Variants in SAMSN1 observed in about 807,000 individuals in gnomAD.
The protein encoded by SAMSN1 is SAM domain, SH3 domain and nuclear localization signals 1.
SAMSN1 carries 31 observed loss-of-function variants against 42.0 expected under a neutral mutation model. The ratio of observed to expected loss-of-function variants is 0.74; its 90% CI spans 0.55 to 1.00. The LOEUF (loss-of-function observed/expected upper bound fraction) is 1.00. SAMSN1 is among the 50% of genes least tolerant of loss of function. The pLI is 0.00. For synonymous variants in SAMSN1, 178 were observed against 151.9 expected, an observed-to-expected ratio of 1.17 and a Z score of -1.26; for missense variants, 464 against 439.4, an observed-to-expected ratio of 1.06 and a Z score of -0.50.
intron 2 of SAMSN1, chr21:14,616,083 A>G: frequency 2.2e-6 from 1 of 458,828 alleles, no homozygotes; most frequent in Non-Finnish European, 4.0e-6. Flanking sequence ...CTATATCAAG[A>G]GATCTGAAAG....
chr21:14,554,345 G>T lies in SAMSN1; in HGVS notation c.261+27791C>A, dbSNP rs1185245429. Among the ~76,000 whole-genome samples the T allele has an allele frequency of 2.0e-5, 3 of 152,016 alleles. No individual in the cohort carries two copies. The East Asian group carries it at 5.8e-4, about 29-fold the overall frequency. ...AGTAATGCTTGAAAGATATTGCTAT[G>T]AGAATGAAAAGAGACACTATTATGG... On this transcript the variant is annotated intron_variant, in intron 2 of 8. Coordinates refer to the SAMSN1 transcript ENST00000285670.
intron 2 of SAMSN1, among the ~76,000 whole-genome samples, chr21:14,622,885 C>T (rs1053548430): frequency 2.0e-5 from 3 of 152,106 alleles, no homozygotes; most frequent in African/African-American, 7.2e-5. Flanking sequence ...GTCAGGTTAC[C>T]CACAAAGGGA....
intron 4 of SAMSN1, chr21:14,612,693 T>A: frequency 1.5e-6 from 1 of 654,528 alleles, no homozygotes; most frequent in Non-Finnish European, 2.9e-6. Context: ...AATGATTTCT[T>A]TGTCATAGCC....
chr21:14,597,792 T>C (rs1982314866), intron 6 of SAMSN1: 2 of 152,204 alleles, frequency 1.3e-5, no homozygotes, highest in Admixed American at 1.3e-4. Flanking sequence ...CCATCCTTCA[T>C]GTGTGCCTTT....
At chr21:14,598,330 C>T (rs2123291974) in intron 6 of SAMSN1, 1 of 152,298 alleles carries the variant, frequency 6.6e-6, no homozygotes, top group Admixed American at 6.5e-5. Context: ...TGTATTACTG[C>T]ATATTTTATT....
chr21:14,612,268 G>A (rs1208476487), intron 4 of SAMSN1, among the ~76,000 whole-genome samples: 4 of 152,050 alleles, frequency 2.6e-5, no homozygotes, highest in Non-Finnish European at 5.9e-5. Context: ...TTGACTGGAT[G>A]ATCCAGATGT....
At chr21:14,653,491 G>A (rs1459804718) in intron 1 of SAMSN1, among the ~76,000 whole-genome samples, 3 of 151,996 alleles carry the variant, frequency 2.0e-5, no homozygotes, top group Non-Finnish European at 4.4e-5. Flanking sequence ...ATGGTTACCA[G>A]AGGCTAGGAA....
At chr21:14,509,761 A>G (rs1427659429) in intron 5 of SAMSN1, among the ~76,000 whole-genome samples, 2 of 152,110 alleles carry the variant, frequency 1.3e-5, no homozygotes, top group Non-Finnish European at 1.5e-5. Flanking sequence ...TAGACTCTGA[A>G]CCTGAATCAT....
At position 14,540,087 on chromosome 21, in the gene SAMSN1, A is replaced by T. The variant is rs536031053; in HGVS notation, c.57+6118T>A. 5.3e-5 allele frequency among the ~76,000 whole-genome samples: 8 copies of T among 152,372 alleles called. No homozygotes were observed. The South Asian group carries it at 1.7e-3, about 32-fold the overall frequency. On this transcript the variant is annotated intron_variant, in intron 1 of 7. Transcript: ENST00000400566. ...ATGGTGCTGGGAAAACTGGTTAGCCATATGTAGAAAGCTGAAACTGGATCC... is the reference window on the plus strand; with the variant it reads ...ATGGTGCTGGGAAAACTGGTTAGCCTTATGTAGAAAGCTGAAACTGGATCC...
At chr21:14,556,530 T>C (rs968946312) in intron 2 of SAMSN1, among the ~76,000 whole-genome samples, 1 of 152,186 alleles carries the variant, frequency 6.6e-6, no homozygotes, top group African/African-American at 2.4e-5. Context: ...TATTAGGCTG[T>C]TCCAATTAAA....
At chr21:14,624,106 C>A (rs1022389890) in intron 2 of SAMSN1, among the ~76,000 whole-genome samples, 1 of 152,140 alleles carries the variant, frequency 6.6e-6, no homozygotes, top group Non-Finnish European at 1.5e-5. Flanking sequence ...ATACCAGAAT[C>A]TCTGGGACAC....
At chr21:14,600,555 C>A (rs555693610) in intron 6 of SAMSN1, among the ~76,000 whole-genome samples, 1 of 152,226 alleles carries the variant, frequency 6.6e-6, no homozygotes, top group African/African-American at 2.4e-5. Flanking sequence ...CAATTTTAAC[C>A]TTCAGAAGCA....
chr21:14,631,199 A>G (rs1983318608), intron 2 of SAMSN1, among the ~76,000 whole-genome samples: 1 of 152,234 alleles, frequency 6.6e-6, no homozygotes, highest in South Asian at 2.1e-4. Context: ...TTGTACCATT[A>G]AACTACGAAC....
chr21:14,650,417 A>T (rs190516960), intron 1 of SAMSN1, among the ~76,000 whole-genome samples: 1 of 152,184 alleles, frequency 6.6e-6, no homozygotes, highest in Admixed American at 6.5e-5. Flanking sequence ...AAATTAAACA[A>T]TATGCTCCTG....
chr21:14,511,767 G>A (rs575317293), intron 4 of SAMSN1, among the ~76,000 whole-genome samples: 10 of 152,316 alleles, frequency 6.6e-5, no homozygotes, highest in African/African-American at 2.4e-4. Context: ...ACTAAATCCT[G>A]AGTGATTTCC....
chr21:14,493,906 T>C (rs1986801573), intron 7 of SAMSN1, among the ~76,000 whole-genome samples: 1 of 152,128 alleles, frequency 6.6e-6, no homozygotes, highest in South Asian at 2.1e-4. Context: ...AGGGTGGTTA[T>C]CCTCCTCCAG....
chr21:14,566,555 T>G (rs76478831), intron 2 of SAMSN1, among the ~76,000 whole-genome samples: 1 of 152,094 alleles, frequency 6.6e-6, no homozygotes, highest in East Asian at 1.9e-4. Context: ...ATTTTTTTTT[T>G]GAGACAGGGT....
chr21:14,588,794 C>G lies in SAMSN1; in HGVS notation c.466-5018G>C, dbSNP rs1981998843. 2.0e-5 allele frequency among the ~76,000 whole-genome samples: 3 copies of G among 152,204 alleles called. No homozygotes were observed. In the East Asian group the frequency reaches 5.8e-4, roughly 29 times the overall value. On this transcript the variant is annotated intron_variant, in intron 7 of 15. Coordinates refer to the SAMSN1 transcript ENST00000647101. ...ATGTATCTTGAATGTTTCTTTTTCT[C>G]CATCTCTATTGTTACCAATCTAGTT... is the stretch of plus-strand genomic sequence containing the variant.
At chr21:14,642,955 A>C (rs1184625539) in intron 2 of SAMSN1, 2 of 704,056 alleles carry the variant, frequency 2.8e-6, no homozygotes. Flanking sequence ...AGATTCTAGA[A>C]CTATAATAGA....
Sources: gnomAD v4.1 joint callset for allele counts (sites outside exome capture counted in the v4.1 genomes callset) on GRCh38, gnomAD v4.1.1 for gene constraint, MANE v1.5 for transcripts, NCBI Gene and HGNC (gene_info 2026-07-23, HGNC 2026-07-21) for gene names.